The following DOCK1 variants were observed in gnomAD, a reference collection of about 807,000 sequenced individuals.
DOCK1 encodes the protein dedicator of cytokinesis protein 1.
Under a neutral mutation model 262.7 loss-of-function variants are expected in DOCK1, and 138 were observed. The ratio of observed to expected loss-of-function variants is 0.53; its 90% confidence interval spans 0.46 to 0.61. The LOEUF is 0.61. DOCK1 is among the 20% of genes least tolerant of loss of function. The pLI, the probability that DOCK1 is intolerant of heterozygous loss-of-function variation, is 0.00. For synonymous variants in DOCK1, 866 were observed against 867.4 expected, an observed-to-expected ratio of 1.00 and a Z score of 0.03; for missense variants, 1,908 against 2,370.7, an observed-to-expected ratio of 0.80 and a Z score of 4.05.
At chr10:127,129,200 A>T (rs2050156948) in intron 27 of DOCK1, among the ~76,000 whole-genome samples, 1 of 152,174 alleles carries the variant, frequency 6.6e-6, no homozygotes, top group East Asian at 1.9e-4. Context: ...GTGTGTTTCC[A>T]TCCAGTGAAA....
At position 127,337,944 on chromosome 10, in the gene DOCK1, C is replaced by G. The variant is rs532561621; in HGVS notation, c.3045-1062C>G. On this transcript the variant is annotated intron_variant, in intron 29 of 51. Transcript: ENST00000623213. ...TGGCGATGGAGACCTCCTTAAAACC[C>G]CAGGTGGTGAATTTCTTCTTCCCTC... Among the ~76,000 whole-genome samples the G allele has an allele frequency of 1.2e-4, 18 of 152,316 alleles. No individual in the cohort carries two copies. In the South Asian group the frequency reaches 3.5e-3, roughly 30 times the overall value.
intron 27 of DOCK1, among the ~76,000 whole-genome samples, chr10:127,190,727 A>C (rs1589860652): frequency 8.9e-6 from 1 of 112,782 alleles, no homozygotes; most frequent in Non-Finnish European, 1.7e-5. Context: ...AAAATCCCCC[A>C]CCGCCTTGCT....
At position 127,409,138 on chromosome 10, in the gene DOCK1, A is replaced by T. The variant is rs772930049; in HGVS notation, c.4224A>T (p.Thr1408=). The part of the protein sequence containing the change: ...QFPNAEKMKT[T]SPPGDDIKNS... ...CAAACGCCGAGAAAATGAAGACAAC[A>T]TCTCCACCAGGCGACGATATTAAAA... Residue 1408 remains threonine (T), a synonymous_variant, in exon 41 of 52, where the codon ACA becomes ACT. Coordinates refer to ENST00000623213, the MANE Select transcript of DOCK1 (RefSeq NM_001290223.2). 6.2e-7 allele frequency: 1 copy of T among 1,612,752 alleles called. No individual in the cohort carries two copies. Among genetic ancestry groups the T allele is most frequent in the East Asian group, 2.2e-5 (1 of 44,844 alleles).
intron 51 of DOCK1, 68 bp from the exon 52 acceptor site, chr10:127,451,264 C>G: frequency 2.0e-6 from 3 of 1,528,010 alleles, no homozygotes; most frequent in Non-Finnish European, 2.7e-6. Context: ...CAGACCCCAC[C>G]TGGAGACGGT....
rs139929577 is a variant in DOCK1, at chr10:127,194,536, G to A, written c.2848-53472G>A. Among the ~76,000 whole-genome samples the A allele has an allele frequency of 4.2e-3, 647 of 152,304 alleles. 6 individuals carry two copies. Among genetic ancestry groups the A allele is most frequent in the African/African-American group, 0.015 (616 of 41,564 alleles). ...TTCCGCCTCTGCATAGTGAAATGAC[G>A]GTAACTTGCTGTAGCGTAAGCTTAA... On this transcript the variant is annotated intron_variant, in intron 27 of 51. Transcript: ENST00000623213.
intron 1 of DOCK1, among the ~76,000 whole-genome samples, chr10:126,905,837 C>T (rs1203816761): frequency 6.6e-6 from 1 of 152,010 alleles, no homozygotes; most frequent in Non-Finnish European, 1.5e-5. Flanking sequence ...TAGGGTGTCC[C>T]CTCCGACGCC....
At chr10:127,296,096 G>A (rs1433191959) in intron 29 of DOCK1, among the ~76,000 whole-genome samples, 1 of 152,178 alleles carries the variant, frequency 6.6e-6, no homozygotes, top group African/African-American at 2.4e-5. Context: ...TGTTGTACTT[G>A]CCGTATAATT....
At chr10:127,417,635 G>A (rs1216071399) in intron 44 of DOCK1, among the ~76,000 whole-genome samples, 1 of 152,148 alleles carries the variant, frequency 6.6e-6, no homozygotes, top group East Asian at 1.9e-4. Context: ...GAATACAGTG[G>A]CTCAATCTCG....
intron 1 of DOCK1, among the ~76,000 whole-genome samples, chr10:126,961,524 TC>T (rs1317856189): frequency 1.5e-4 from 23 of 152,338 alleles, no homozygotes; most frequent in African/African-American, 4.8e-4. Context: ...TTTCTTACTT[TC>T]GTTTCTTACT....
At chr10:127,412,540 G>A (rs7908529) in intron 43 of DOCK1, among the ~76,000 whole-genome samples, 38,960 of 152,120 alleles carry the variant, frequency 0.26, 5,269 homozygotes, top group African/African-American at 0.33. Context: ...AAGGAGGACC[G>A]GCTCTGCTGA....
At chr10:127,359,401 G>A (rs967214364) in intron 32 of DOCK1, among the ~76,000 whole-genome samples, 1 of 152,170 alleles carries the variant, frequency 6.6e-6, no homozygotes, top group African/African-American at 2.4e-5. Flanking sequence ...TCCCAGCTTG[G>A]AACAATAAAA....
chr10:127,195,849 G>C (rs2057093313), intron 27 of DOCK1: 1 of 152,256 alleles, frequency 6.6e-6, no homozygotes, highest in Non-Finnish European at 1.5e-5. Flanking sequence ...TCCCGGCCCC[G>C]GGAGCCGCCG....
At chr10:127,397,957 G>A (rs565550283) in intron 38 of DOCK1, among the ~76,000 whole-genome samples, 8 of 152,288 alleles carry the variant, frequency 5.3e-5, no homozygotes, top group African/African-American at 1.9e-4. Flanking sequence ...CACAGGAAGC[G>A]ACTCCTGTAT....
chr10:127,215,501 A>G (rs537136404), intron 27 of DOCK1, among the ~76,000 whole-genome samples: 8 of 152,308 alleles, frequency 5.3e-5, no homozygotes, highest in African/African-American at 1.9e-4. Flanking sequence ...AGCTGTAGCT[A>G]CATTCTGTAC....
intron 27 of DOCK1, among the ~76,000 whole-genome samples, chr10:127,196,446 G>A (rs1412920941): frequency 6.7e-6 from 1 of 148,586 alleles, no homozygotes; most frequent in African/African-American, 2.4e-5. Context: ...GGCGGGGGCG[G>A]GGCAGAGGAG....
chr10:127,188,991 G>C (rs2056523363), intron 27 of DOCK1, among the ~76,000 whole-genome samples: 1 of 152,222 alleles, frequency 6.6e-6, no homozygotes, highest in Admixed American at 6.5e-5. Flanking sequence ...ACTCCACTGT[G>C]AGCTGGGTCA....
intron 22 of DOCK1, among the ~76,000 whole-genome samples, chr10:127,060,081 G>A (rs1384993556): frequency 6.6e-6 from 1 of 151,160 alleles, no homozygotes; most frequent in African/African-American, 2.4e-5. Context: ...AGTCGGCTCT[G>A]TTACCTGGGG....
At chr10:127,341,178 C>T (rs1028986993) in intron 30 of DOCK1, among the ~76,000 whole-genome samples, 1 of 152,046 alleles carries the variant, frequency 6.6e-6, no homozygotes, top group Non-Finnish European at 1.5e-5. Flanking sequence ...TCACTTTTTC[C>T]CACGTCATTT....
At chr10:127,316,750 G>C (rs535424480) in intron 29 of DOCK1, among the ~76,000 whole-genome samples, 16 of 152,174 alleles carry the variant, frequency 1.1e-4, no homozygotes, top group Admixed American at 3.3e-4. Flanking sequence ...CAGACAAGGC[G>C]GACCACAGAG....
Sources: gnomAD v4.1 joint callset for allele counts (sites outside exome capture counted in the v4.1 genomes callset) on GRCh38, gnomAD v4.1.1 for gene constraint, MANE v1.5 for transcripts, NCBI Gene and HGNC (gene_info 2026-07-23, HGNC 2026-07-21) for gene names.